CACNA1C: variants seen among roughly 807,000 people sequenced by gnomAD.
The protein encoded by CACNA1C is calcium voltage-gated channel subunit alpha1 C.
Under a neutral mutation model 229.0 loss-of-function variants are expected in CACNA1C, and 30 were observed. The observed-to-expected ratio is 0.13, with a 90% CI of 0.10 to 0.18. The LOEUF is 0.18. CACNA1C is among the 10% of genes least tolerant of loss of function. CACNA1C has a pLI of 1.00. For synonymous variants in CACNA1C, 1,114 were observed against 1,132.5 expected, an observed-to-expected ratio of 0.98 and a Z score of 0.33; for missense variants, 1,658 against 2,845.0, an observed-to-expected ratio of 0.58 and a Z score of 9.49.
chr12:2,229,510 TAG>T (rs1214968721), intron 3 of CACNA1C, among the ~76,000 whole-genome samples: 1 of 152,080 alleles, frequency 6.6e-6, no homozygotes, highest in Non-Finnish European at 1.5e-5. Flanking sequence ...TACAATCTAG[TAG>T]AGAGACAATG....
At chr12:2,468,491 G>T (rs2099572069) in intron 5 of CACNA1C, among the ~76,000 whole-genome samples, 1 of 152,214 alleles carries the variant, frequency 6.6e-6, no homozygotes, top group Non-Finnish European at 1.5e-5. Flanking sequence ...GGCAAATCCA[G>T]GCTATCTAGT....
At chr12:2,648,373 T>C (rs2094558658) in intron 30 of CACNA1C, 102 bp from the exon 31 acceptor site, 4 of 1,097,036 alleles carry the variant, frequency 3.6e-6, no homozygotes, top group African/African-American at 3.1e-5. Flanking sequence ...CCTTTTGCCC[T>C]CTTCTGCCAC....
intron 4 of CACNA1C, among the ~76,000 whole-genome samples, chr12:2,450,556 A>G (rs2099359090): frequency 7.0e-6 from 1 of 142,728 alleles, no homozygotes; most frequent in Admixed American, 6.8e-5. Flanking sequence ...TCCATCTCAA[A>G]AAAAAAAAAA....
intron 3 of CACNA1C, among the ~76,000 whole-genome samples, chr12:2,421,213 G>C (rs182180277): frequency 2.6e-4 from 40 of 152,206 alleles, no homozygotes; most frequent in Middle Eastern, 3.4e-3. Flanking sequence ...TAATTTTCTT[G>C]TGTTAACTGG....
At position 2,602,655 on chromosome 12, in the gene CACNA1C, TGTGTGTGTGTGTGTGA is replaced by T. The variant is rs2073260088; in HGVS notation, c.2960+698_2960+713del. 6.6e-6 allele frequency among the ~76,000 whole-genome samples: 1 copy of T among 151,770 alleles called. No homozygotes were observed. ...TTGTGTGTGTGTGTGTGTGTGTGTG[TGTGTGTGTGTGTGTGA>T]GTTTTTCATTTCACTGGTCTGGGGT... On this transcript the variant is annotated intron_variant, in intron 22 of 46. Transcript: ENST00000399655. The surrounding 1 kb of genome is among the most constrained non-coding windows in gnomAD (Gnocchi z 4.4).
intron 10 of CACNA1C, among the ~76,000 whole-genome samples, chr12:2,553,241 G>A (rs543067425): frequency 2.0e-5 from 3 of 152,276 alleles, no homozygotes; most frequent in South Asian, 2.1e-4. Context: ...GGTGGGGGGC[G>A]GAAACCACCT....
In CACNA1C at chr12:2,053,638, G is replaced by C. The variant is rs768810837; in HGVS notation, c.49+27G>C. On this transcript the variant is annotated intron_variant, in intron 1 of 46. Coordinates refer to ENST00000399655, the MANE Select transcript of CACNA1C (RefSeq NM_000719.7). The surrounding 1 kb of genome is among the most constrained non-coding windows in gnomAD (Gnocchi z 5.8). ...TAAGGCTGGACCCCGCCGCCTCGCCGGGGCTCCCTGCCTTTTCCACCGGGT... is the reference window on the plus strand; with the variant it reads ...TAAGGCTGGACCCCGCCGCCTCGCCCGGGCTCCCTGCCTTTTCCACCGGGT... 44 of 1,561,044 alleles carry C rather than the reference G, an allele frequency of 2.8e-5. No homozygotes were observed. The highest frequency in any genetic ancestry group is 3.8e-5 in the Non-Finnish European group (44 of 1,155,450).
At chr12:2,552,140 G>T (rs2041618977) in intron 10 of CACNA1C, among the ~76,000 whole-genome samples, 1 of 152,210 alleles carries the variant, frequency 6.6e-6, no homozygotes, top group African/African-American at 2.4e-5. Flanking sequence ...GCGCCAGCCT[G>T]GAAGCCGCGG....
At chr12:2,174,088 A>AG (rs2154267895) in intron 3 of CACNA1C, among the ~76,000 whole-genome samples, 2 of 152,190 alleles carry the variant, frequency 1.3e-5, no homozygotes, top group East Asian at 3.9e-4. Context: ...AGAACATCTA[A>AG]GGGGCGAAGG....
At chr12:2,555,708 C>T (rs959001766) in intron 10 of CACNA1C, among the ~76,000 whole-genome samples, 3 of 152,310 alleles carry the variant, frequency 2.0e-5, no homozygotes, top group South Asian at 2.1e-4. Flanking sequence ...GCTAACCGTT[C>T]GGAGCAGTAA....
At chr12:2,011,861 G>GT (rs1363502569) in intron 1 of CACNA1C, among the ~76,000 whole-genome samples, 2 of 152,202 alleles carry the variant, frequency 1.3e-5, no homozygotes, top group Non-Finnish European at 2.9e-5. Context: ...TCCTGCCAGG[G>GT]TGGATGGGCT....
intron 1 of CACNA1C, among the ~76,000 whole-genome samples, chr12:2,046,470 A>G (rs971028936): frequency 2.0e-5 from 3 of 152,150 alleles, no homozygotes; most frequent in Admixed American, 6.5e-5. Context: ...AGTCCAAGAT[A>G]GTTACATAAT....
At chr12:2,368,013 A>G (rs1230528493) in intron 3 of CACNA1C, among the ~76,000 whole-genome samples, 1 of 152,254 alleles carries the variant, frequency 6.6e-6, no homozygotes, top group Admixed American at 6.5e-5. Flanking sequence ...ACAGTTAGGT[A>G]AGACACAGCC....
chr12:2,514,058 C>A (rs2099790900), intron 9 of CACNA1C, among the ~76,000 whole-genome samples: 1 of 152,164 alleles, frequency 6.6e-6, no homozygotes. Flanking sequence ...AAAACAGTTT[C>A]CTAAACACTG....
At chr12:2,365,489 G>A (rs551231380) in intron 3 of CACNA1C, among the ~76,000 whole-genome samples, 3 of 152,296 alleles carry the variant, frequency 2.0e-5, no homozygotes, top group African/African-American at 7.2e-5. Flanking sequence ...CAAAAATGCA[G>A]ATTAACAGAT....
At chr12:2,197,445 T>C (rs1333284201) in intron 3 of CACNA1C, among the ~76,000 whole-genome samples, 2 of 152,188 alleles carry the variant, frequency 1.3e-5, no homozygotes, top group African/African-American at 4.8e-5. Flanking sequence ...ACAAACTGTG[T>C]TTCCCATTGA....
intron 18 of CACNA1C, among the ~76,000 whole-genome samples, chr12:2,592,291 G>A (rs190292768): frequency 6.6e-6 from 1 of 152,318 alleles, no homozygotes; most frequent in East Asian, 1.9e-4. Context: ...CAGAGCGGCT[G>A]CTATGTGCCA....
Position 2,067,215 on chromosome 12 carries a change from G to A in CACNA1C, c.49+13604G>A, listed in dbSNP as rs998470627. 6.6e-6 allele frequency among the ~76,000 whole-genome samples: 1 copy of A among 152,128 alleles called. No individual in the cohort carries two copies. The highest frequency in any genetic ancestry group is 1.5e-5 in the Non-Finnish European group (1 of 68,018). ...TCAAGGTGGCCAGTGGGATGCAGGAGCCAGGATGCATCGTTTTAGTGGGAG... is the reference window on the plus strand; with the variant it reads ...TCAAGGTGGCCAGTGGGATGCAGGAACCAGGATGCATCGTTTTAGTGGGAG... On this transcript the variant is annotated intron_variant, in intron 1 of 46. Transcript: ENST00000399655. The surrounding 1 kb of genome is among the most constrained non-coding windows in gnomAD (Gnocchi z 5.3).
intron 4 of CACNA1C, among the ~76,000 whole-genome samples, chr12:2,453,136 A>G (rs1217088002): frequency 6.6e-6 from 1 of 152,162 alleles, no homozygotes; most frequent in Non-Finnish European, 1.5e-5. Flanking sequence ...CAGACCAGAT[A>G]GAAGGGAAGC....
Sources: gnomAD v4.1 joint callset for allele counts (sites outside exome capture counted in the v4.1 genomes callset) on GRCh38, gnomAD v4.1.1 for gene constraint, Gnocchi (gnomAD v3.1) non-coding constraint, MANE v1.5 for transcripts, NCBI Gene and HGNC (gene_info 2026-07-23, HGNC 2026-07-21) for gene names.